Variants in EPB41L5 observed in about 807,000 individuals in gnomAD.
EPB41L5 encodes the protein band 4.1-like protein 5.
Under a neutral mutation model 106.6 loss-of-function variants are expected in EPB41L5, and 55 were observed. The observed-to-expected ratio is 0.52, with a 90% CI of 0.42 to 0.65. The LOEUF (loss-of-function observed/expected upper bound fraction) is 0.65. Among genes scored for constraint, EPB41L5 ranks in the 30% least tolerant of loss-of-function variants. EPB41L5 has a pLI of 0.00. For synonymous variants in EPB41L5, 297 were observed against 306.7 expected (o/e 0.97, Z 0.33); for missense variants, 871 against 882.1 (o/e 0.99, Z 0.16).
chr2:120,097,607 A>G (rs1474389631), intron 14 of EPB41L5, among the ~76,000 whole-genome samples: 5 of 152,212 alleles, frequency 3.3e-5, no homozygotes, highest in African/African-American at 1.2e-4. Flanking sequence ...AATTACTAGT[A>G]CTTCTTATAC....
At chr2:120,119,057 G>C (rs1214738174) in intron 16 of EPB41L5, among the ~76,000 whole-genome samples, 1 of 151,766 alleles carries the variant, frequency 6.6e-6, no homozygotes, top group African/African-American at 2.4e-5. Context: ...ATCTCATTGT[G>C]GTTTTGATTT....
At chr2:120,089,760 G>C (rs561248929) in intron 11 of EPB41L5, among the ~76,000 whole-genome samples, 29 of 152,134 alleles carry the variant, frequency 1.9e-4, no homozygotes, top group African/African-American at 6.3e-4. Context: ...AGTTGTTAGA[G>C]GTGTATGTAG....
chr2:120,145,220 T>A (rs1686344946), intron 19 of EPB41L5, among the ~76,000 whole-genome samples: 1 of 152,222 alleles, frequency 6.6e-6, no homozygotes, highest in Non-Finnish European at 1.5e-5. Context: ...CGCAATTACA[T>A]TCTTAGATAT....
intron 20 of EPB41L5, among the ~76,000 whole-genome samples, chr2:120,146,652 G>C (rs1337939837): frequency 6.6e-6 from 1 of 152,130 alleles, no homozygotes; most frequent in African/African-American, 2.4e-5. Flanking sequence ...ACTTGCCATG[G>C]GTTCTCACAG....
intron 16 of EPB41L5, among the ~76,000 whole-genome samples, chr2:120,102,286 G>A (rs956350198): frequency 2.0e-5 from 3 of 152,126 alleles, no homozygotes; most frequent in Non-Finnish European, 4.4e-5. Context: ...CCTTTAGAAA[G>A]AGCATTGAAT....
At chr2:120,070,254 A>G (rs909178776) in intron 3 of EPB41L5, among the ~76,000 whole-genome samples, 1 of 152,238 alleles carries the variant, frequency 6.6e-6, no homozygotes, top group Non-Finnish European at 1.5e-5. Flanking sequence ...ATTCCTGGAC[A>G]CATATACCCT....
chr2:120,131,622 A>C lies in EPB41L5; in HGVS notation c.1506A>C (p.Leu502Phe), dbSNP rs114745805. 1 of 1,611,886 alleles carries C rather than the reference A, an allele frequency of 6.2e-7. No individual in the cohort carries two copies. The highest frequency in any genetic ancestry group is 8.5e-7 in the Non-Finnish European group (1 of 1,178,672). Residue 502 changes from leucine to phenylalanine, a missense_variant, in exon 18 of 25, where the codon TTA (leucine) becomes TTC (phenylalanine). Transcript: ENST00000263713. ...LGEPEVEYET[L>F]KDTSEKLKQL... ...GCCTTTTTTTTTTCTTTTCAGCATT[A>C]AAAGACACCTCAGAGAAGCTCAAAC...
intron 2 of EPB41L5, among the ~76,000 whole-genome samples, chr2:120,030,821 C>G (rs1417370777): frequency 6.6e-6 from 1 of 152,076 alleles, no homozygotes; most frequent in Non-Finnish European, 1.5e-5. Context: ...TCCCAGAGTG[C>G]TGGAATTACA....
intron 21 of EPB41L5, among the ~76,000 whole-genome samples, chr2:120,163,600 T>G (rs1445432825): frequency 1.3e-5 from 2 of 151,740 alleles, no homozygotes; most frequent in East Asian, 3.9e-4. Flanking sequence ...GGTTTTTTTT[T>G]TTTTTTTTTA....
chr2:120,025,894 G>A (rs548038052), intron 2 of EPB41L5, among the ~76,000 whole-genome samples: 2 of 152,276 alleles, frequency 1.3e-5, no homozygotes, highest in South Asian at 4.1e-4. Flanking sequence ...TTACTACAAA[G>A]CAACAATAAG....
rs201748115 is a variant in EPB41L5, at chr2:120,100,738, A to G, written c.1261A>G (p.Ile421Val). 265 of 1,613,806 alleles carry G rather than the reference A, an allele frequency of 1.6e-4. No homozygotes were observed. The highest frequency in any genetic ancestry group is 2.1e-4 in the Non-Finnish European group (252 of 1,179,916). The change falls in exon 16 of 25, where the codon ATT becomes GTT. Residue 421 changes from isoleucine (I) to valine (V), a missense_variant. Physicochemically the swap from Ile to Val is conservative, Grantham distance 29 (BLOSUM62 3). Transcript: ENST00000263713. ...MRSALPVSPSISSAPVPVEIE... is the reference protein window; with the variant it reads ...MRSALPVSPSVSSAPVPVEIE... Reference sequence around the variant, plus strand: ...ATCTGCTCTGCCTGTGAGTCCTTCCATTTCCTCTGCTCCTGTGCCAGTGGA... The same window carrying G: ...ATCTGCTCTGCCTGTGAGTCCTTCCGTTTCCTCTGCTCCTGTGCCAGTGGA...
chr2:120,174,707 G>T, intron 24 of EPB41L5, 134 bp from the exon 25 acceptor site: 1 of 735,028 alleles, frequency 1.4e-6, no homozygotes, highest in Non-Finnish European at 2.5e-6. Flanking sequence ...GCCAGGTTAG[G>T]TGTTACTACA....
intron 1 of EPB41L5, among the ~76,000 whole-genome samples, chr2:120,016,290 C>T (rs1677522705): frequency 6.6e-6 from 1 of 151,970 alleles, no homozygotes; most frequent in Non-Finnish European, 1.5e-5. Flanking sequence ...ATTAGCTGGG[C>T]GTGGTGGCTG....
chr2:120,158,458 C>T (rs759316567), intron 20 of EPB41L5, among the ~76,000 whole-genome samples: 6 of 152,154 alleles, frequency 3.9e-5, no homozygotes, highest in Non-Finnish European at 7.4e-5. Flanking sequence ...AAATGTGATT[C>T]ATCACATAAA....
rs1048861734 is a variant in EPB41L5, at chr2:120,041,944, T to G, written c.181-62T>G. 5 of 1,258,322 alleles carry G rather than the reference T, an allele frequency of 4.0e-6. No homozygotes were observed. In the African/African-American group the frequency reaches 7.5e-5, roughly 19 times the overall value. 77.9% of individuals were successfully genotyped at this position (1,258,322 alleles called of 1,614,324 possible). A position where few individuals can be genotyped will look rare whatever the true frequency, so the allele number is the denominator to read the frequency against. The stretch of plus-strand genomic sequence containing the variant: ...GATCTTGTATAACTAAAACCTTCTT[T>G]TGTTCAGGCTTGTTGATCTTATAAA... On this transcript the variant is annotated intron_variant, in intron 2 of 24. Coordinates refer to ENST00000263713, the MANE Select transcript of EPB41L5 (RefSeq NM_020909.4).
intron 10 of EPB41L5, among the ~76,000 whole-genome samples, chr2:120,080,844 T>G (rs1310390610): frequency 6.6e-6 from 1 of 152,182 alleles, no homozygotes; most frequent in African/African-American, 2.4e-5. Flanking sequence ...GATTTGCATT[T>G]CTCTGATGGC....
In EPB41L5 at chr2:120,073,142, C is replaced by T. The variant is rs751322816; in HGVS notation, c.286-36C>T. The T allele has an allele frequency of 1.0e-5, 16 of 1,587,082 alleles. No homozygotes were observed. In the South Asian group the frequency reaches 1.5e-4, roughly 15 times the overall value. Reference sequence around the variant, plus strand: ...ATTCATTCAAATTTTAAAGTTCTGTCATCTGCTTAACTAAATTTTTGTTTT... The same window carrying T: ...ATTCATTCAAATTTTAAAGTTCTGTTATCTGCTTAACTAAATTTTTGTTTT... On this transcript the variant is annotated intron_variant, in intron 3 of 24. Coordinates refer to ENST00000263713, the MANE Select transcript of EPB41L5 (RefSeq NM_020909.4).
intron 18 of EPB41L5, among the ~76,000 whole-genome samples, chr2:120,134,350 G>C (rs1416991486): frequency 6.6e-6 from 1 of 152,126 alleles, no homozygotes; most frequent in African/African-American, 2.4e-5. Flanking sequence ...AACTAGCCCT[G>C]AGCCAGAAGA....
chr2:120,146,356 G>A (rs766465678), intron 20 of EPB41L5, 67 bp downstream of exon 20: 524 of 1,175,448 alleles, frequency 4.5e-4, no homozygotes, highest in Non-Finnish European at 6.1e-4. Context: ...TTTCTTCTCA[G>A]TCTGTCACCA....
Sources: gnomAD v4.1 joint callset for allele counts (sites outside exome capture counted in the v4.1 genomes callset) on GRCh38, gnomAD v4.1.1 for gene constraint, MANE v1.5 for transcripts, NCBI Gene and HGNC (gene_info 2026-07-23, HGNC 2026-07-21) for gene names.